The following DPP6 variants were observed in gnomAD, a reference collection of about 807,000 sequenced individuals.
DPP6 encodes the protein dipeptidyl peptidase like 6.
A neutral mutation model predicts 122.6 loss-of-function variants in DPP6; 69 were observed. The ratio of observed to expected loss-of-function variants is 0.56; its 90% CI spans 0.46 to 0.69. The LOEUF (loss-of-function observed/expected upper bound fraction) is 0.69, where lower values mean the gene tolerates loss of function less well. DPP6 is among the 30% of genes least tolerant of loss of function. The pLI is 0.00. For synonymous variants in DPP6, 418 were observed against 433.1 expected, an observed-to-expected ratio of 0.97 and a Z score of 0.43; for missense variants, 928 against 1,116.9, an observed-to-expected ratio of 0.83 and a Z score of 2.41.
intron 7 of DPP6, among the ~76,000 whole-genome samples, chr7:154,723,158 C>A (rs1841902594): frequency 6.6e-6 from 1 of 152,036 alleles, no homozygotes; most frequent in Non-Finnish European, 1.5e-5. Context: ...ACTTGGGAGG[C>A]TCAGTGGGAG....
intron 4 of DPP6, among the ~76,000 whole-genome samples, chr7:154,556,661 A>G (rs1335336898): frequency 6.6e-6 from 1 of 152,184 alleles, no homozygotes; most frequent in African/African-American, 2.4e-5. Context: ...AGCCATATTT[A>G]ATTTGCCATA....
intron 3 of DPP6, among the ~76,000 whole-genome samples, chr7:154,507,919 T>C (rs1175563803): frequency 6.6e-6 from 1 of 151,682 alleles, no homozygotes; most frequent in Non-Finnish European, 1.5e-5. Flanking sequence ...TTTGGGGAAG[T>C]GACAGTTTTT....
At chr7:154,853,320 A>G (rs140078752) in intron 16 of DPP6, among the ~76,000 whole-genome samples, 49 of 152,226 alleles carry the variant, frequency 3.2e-4, no homozygotes, top group African/African-American at 1.1e-3. Flanking sequence ...TTCCTGTTAC[A>G]TGAATACGTT....
intron 1 of DPP6, among the ~76,000 whole-genome samples, chr7:154,331,141 A>T (rs1050201872): frequency 5.3e-5 from 8 of 151,872 alleles, no homozygotes; most frequent in Admixed American, 5.2e-4. Flanking sequence ...GGTATTTTAG[A>T]CCCCAAAGAT....
At chr7:154,748,139 G>C (rs1403318143) in intron 8 of DPP6, among the ~76,000 whole-genome samples, 1 of 152,160 alleles carries the variant, frequency 6.6e-6, no homozygotes, top group Non-Finnish European at 1.5e-5. Context: ...CGCCCACGTG[G>C]TGGACAGCAG....
At chr7:154,500,530 T>C (rs1586465915) in intron 3 of DPP6, among the ~76,000 whole-genome samples, 1 of 152,160 alleles carries the variant, frequency 6.6e-6, no homozygotes, top group South Asian at 2.1e-4. Flanking sequence ...TTTCCTGCGT[T>C]GTTCTCCTGA....
chr7:153,964,709 C>G (rs1268168998), intron 1 of DPP6, among the ~76,000 whole-genome samples: 1 of 152,116 alleles, frequency 6.6e-6, no homozygotes, highest in African/African-American at 2.4e-5. Context: ...CTGTGAGATG[C>G]CTGGCGAGAA....
chr7:153,916,216 TC>T (rs1336403949), intron 1 of DPP6, among the ~76,000 whole-genome samples: 1 of 151,758 alleles, frequency 6.6e-6, no homozygotes, highest in Non-Finnish European at 1.5e-5. Flanking sequence ...CTCTTGATCC[TC>T]CCACCTTGGC....
At chr7:153,892,168 G>A (rs568802281) in intron 1 of DPP6, among the ~76,000 whole-genome samples, 5 of 152,222 alleles carry the variant, frequency 3.3e-5, no homozygotes, top group Admixed American at 6.5e-5. Flanking sequence ...GTTCTCTTTC[G>A]GGCATTTGAC....
rs929421280 is a variant in DPP6, at chr7:154,805,720, C to T, written c.1547+756C>T. Among the ~76,000 whole-genome samples, 11 of 152,200 alleles carry T rather than the reference C, an allele frequency of 7.2e-5. No individual in the cohort carries two copies. The South Asian group carries it at 2.1e-3, about 29-fold the overall frequency. On this transcript the variant is annotated intron_variant, in intron 15 of 25. Coordinates refer to ENST00000377770, the MANE Select transcript of DPP6 (RefSeq NM_130797.4). The stretch of plus-strand genomic sequence containing the variant: ...GGCGTGTCCCTCTTCTACATTTAGT[C>T]CTGTCATCTGCCCAGTCACTGTTCT...
intron 1 of DPP6, among the ~76,000 whole-genome samples, chr7:153,898,613 C>T (rs556280755): frequency 9.2e-5 from 14 of 152,092 alleles, no homozygotes; most frequent in Admixed American, 5.2e-4. Flanking sequence ...AAAATGAAAA[C>T]GAGAATGTTG....
At chr7:153,972,109 C>G (rs1262208101) in intron 1 of DPP6, among the ~76,000 whole-genome samples, 2 of 151,284 alleles carry the variant, frequency 1.3e-5, no homozygotes, top group East Asian at 1.9e-4. Context: ...TGCTGAGAAA[C>G]AGAAATCTGT....
At chr7:154,709,260 G>A (rs925632034) in intron 7 of DPP6, among the ~76,000 whole-genome samples, 1 of 152,212 alleles carries the variant, frequency 6.6e-6, no homozygotes, top group Non-Finnish European at 1.5e-5. Flanking sequence ...GTTCACTGCA[G>A]TCTTGACCTG....
intron 1 of DPP6, chr7:154,059,568 T>G (rs1286256520): frequency 6.7e-6 from 1 of 149,526 alleles, no homozygotes; most frequent in Non-Finnish European, 1.5e-5. Flanking sequence ...TTTTGTAGAC[T>G]GTGGATCCCA....
intron 10 of DPP6, among the ~76,000 whole-genome samples, chr7:154,789,874 T>G (rs1360555422): frequency 6.6e-6 from 1 of 152,202 alleles, no homozygotes; most frequent in Non-Finnish European, 1.5e-5. Context: ...TTCACCCTCG[T>G]ACACCGACTT....
At chr7:154,749,278 A>G (rs12672322) in intron 8 of DPP6, among the ~76,000 whole-genome samples, 10,425 of 55,392 alleles carry the variant, frequency 0.19, 3,489 homozygotes, top group Admixed American at 0.31. Flanking sequence ...AGCATAGGAC[A>G]GGAGGGAGAG....
chr7:154,684,978 A>G (rs1839511192), intron 7 of DPP6, among the ~76,000 whole-genome samples: 1 of 152,206 alleles, frequency 6.6e-6, no homozygotes, highest in Non-Finnish European at 1.5e-5. Flanking sequence ...ACTCCCTACA[A>G]AAGACTCAGA....
intron 7 of DPP6, among the ~76,000 whole-genome samples, chr7:154,673,274 T>C (rs1049783964): frequency 2.0e-5 from 3 of 152,186 alleles, no homozygotes; most frequent in African/African-American, 4.8e-5. Flanking sequence ...ACAGCTGCAG[T>C]TGAGGTTTGC....
At chr7:153,887,772 G>T (rs763832891) in intron 1 of DPP6, 7 of 1,605,422 alleles carry the variant, frequency 4.4e-6, no homozygotes, top group East Asian at 4.5e-5. Context: ...GGGTCGGGGG[G>T]ACCCACCGTG....
Sources: gnomAD v4.1 joint callset for allele counts (sites outside exome capture counted in the v4.1 genomes callset) on GRCh38, gnomAD v4.1.1 for gene constraint, MANE v1.5 for transcripts, NCBI Gene and HGNC (gene_info 2026-07-23, HGNC 2026-07-21) for gene names.